The following ACTG2 variants were observed in gnomAD, a reference collection of about 807,000 sequenced individuals.
ACTG2 encodes actin gamma 2, smooth muscle, also known as actin, gamma-enteric smooth muscle.
In ACTG2, 16 loss-of-function variants were observed where a neutral mutation model predicts 37.6. That is an observed-to-expected ratio of 0.43 (90% CI 0.29 to 0.65). The LOEUF is 0.65. Ranked by LOEUF, ACTG2 falls within the 30% of genes least tolerant of loss-of-function variation. ACTG2 has a pLI of 0.18. For synonymous variants in ACTG2, 181 were observed against 179.9 expected, an observed-to-expected ratio of 1.01 and a Z score of -0.05; for missense variants, 238 against 490.9, an observed-to-expected ratio of 0.48 and a Z score of 4.87.
At chr2:73,902,938 C>T in intron 3 of ACTG2, 3 of 666,020 alleles carry the variant, frequency 4.5e-6, no homozygotes, top group Non-Finnish European at 4.9e-6. Flanking sequence ...CTTTAAAATG[C>T]TGGTGCTGGC....
At chr2:73,910,673 C>CTTTTG (rs1255406791) in intron 5 of ACTG2, among the ~76,000 whole-genome samples, 3 of 150,856 alleles carry the variant, frequency 2.0e-5, no homozygotes, top group Non-Finnish European at 4.4e-5. Context: ...TTATTTTTGT[C>CTTTTG]TTTATTTAGT....
At chr2:73,907,050 T>C (rs1173945375) in intron 3 of ACTG2, among the ~76,000 whole-genome samples, 1 of 152,218 alleles carries the variant, frequency 6.6e-6, no homozygotes, top group Admixed American at 6.5e-5. Flanking sequence ...TGCCATTCCC[T>C]CTGCCTCGGA....
chr2:73,895,900 A>G (rs552488720), intron 1 of ACTG2, among the ~76,000 whole-genome samples: 26 of 152,364 alleles, frequency 1.7e-4, no homozygotes, highest in African/African-American at 6.0e-4. Flanking sequence ...TACCATTGTA[A>G]CAAAAGCAGC....
chr2:73,904,248 C>CAAAA (rs61261289), intron 3 of ACTG2, among the ~76,000 whole-genome samples: 526 of 64,802 alleles, frequency 8.1e-3, no homozygotes, highest in African/African-American at 8.7e-3. Context: ...GACCATGTCT[C>CAAAA]AAAAAAAAAA....
At chr2:73,906,607 T>C (rs566020138) in intron 3 of ACTG2, among the ~76,000 whole-genome samples, 2 of 152,088 alleles carry the variant, frequency 1.3e-5, no homozygotes, top group South Asian at 4.2e-4. Context: ...CTGTCTCCGG[T>C]GTAGCTGGGA....
intron 1 of ACTG2, among the ~76,000 whole-genome samples, chr2:73,899,322 A>G (rs929731673): frequency 6.6e-6 from 1 of 152,106 alleles, no homozygotes; most frequent in Non-Finnish European, 1.5e-5. Flanking sequence ...TATATCAGCC[A>G]GCCATAGGGC....
intron 3 of ACTG2, among the ~76,000 whole-genome samples, chr2:73,903,380 C>T (rs1386860984): frequency 6.6e-6 from 1 of 152,152 alleles, no homozygotes; most frequent in Admixed American, 6.5e-5. Flanking sequence ...ATAAGTACTG[C>T]ACATAAAATG....
At chr2:73,900,436 G>C (rs1223061151) in intron 1 of ACTG2, among the ~76,000 whole-genome samples, 1 of 152,238 alleles carries the variant, frequency 6.6e-6, no homozygotes, top group African/African-American at 2.4e-5. Flanking sequence ...GAAAGAATGC[G>C]TGCAGCAGAT....
At chr2:73,901,715 A>G (rs1679888100) in intron 2 of ACTG2, 2 of 446,142 alleles carry the variant, frequency 4.5e-6, no homozygotes, top group Non-Finnish European at 7.5e-6. Context: ...ACCAACATAC[A>G]TCAGGCACAC....
chr2:73,901,532 A>ATGTGTGTGTGTG lies in ACTG2; in HGVS notation c.126+133_126+144dup, dbSNP rs58042852. On this transcript the variant is annotated intron_variant, in intron 2 of 8. Coordinates refer to ENST00000345517, the MANE Select transcript of ACTG2 (RefSeq NM_001615.4). ...CTGAGCTGGGGGTTAGGGGAAGGAA[A>ATGTGTGTGTGTG]TGTGTGTGTGTGTGTGTGTGTGTGT... 52 of 1,144,962 alleles carry ATGTGTGTGTGTG rather than the reference A, an allele frequency of 4.5e-5. No individual in the cohort carries two copies. The East Asian group carries it at 6.2e-4, about 14-fold the overall frequency. 70.9% of individuals were successfully genotyped at this position (1,144,962 alleles called of 1,614,324 possible). A position where few individuals can be genotyped will look rare whatever the true frequency, so the allele number is the denominator to read the frequency against.
rs202102047 is a variant in ACTG2 at position 73,896,437 on chromosome 2, A to G, written c.-37+3386A>G. Among the ~76,000 whole-genome samples the G allele has an allele frequency of 3.3e-5, 5 of 152,082 alleles. No individual in the cohort carries two copies. The East Asian group carries it at 9.7e-4, about 29-fold the overall frequency. On this transcript the variant is annotated intron_variant, in intron 1 of 8. Coordinates refer to ENST00000345517, the MANE Select transcript of ACTG2 (RefSeq NM_001615.4). ...TGCCTTACCCTGATTTACAATGTCT[A>G]CGGCACCTTCATTTCCGTTCTGTCA...
chr2:73,919,649 CCTTA>C lies in ACTG2; in HGVS notation c.*78_*81del. 1 of 1,524,432 alleles carries C rather than the reference CCTTA, an allele frequency of 6.6e-7. No individual in the cohort carries two copies. Among genetic ancestry groups the C allele is most frequent in the Non-Finnish European group, 8.9e-7 (1 of 1,124,362 alleles). The allele number at this position is 1,524,432 out of a possible 1,614,324, so 94.4% of individuals were successfully genotyped here. A position where few individuals can be genotyped will look rare whatever the true frequency, so the allele number is the denominator to read the frequency against. On this transcript the variant is annotated 3_prime_UTR_variant, in exon 9 of 9. Transcript: ENST00000345517. ...GTCATGAAACATTAAAACCTACAAGCCTTACTTCTCTGTGTGGGGCTCTTTTTTC... is the reference window on the plus strand; with the variant it reads ...GTCATGAAACATTAAAACCTACAAGCCTTCTCTGTGTGGGGCTCTTTTTTC...
At chr2:73,903,618 G>A (rs1175865401) in intron 3 of ACTG2, among the ~76,000 whole-genome samples, 2 of 152,198 alleles carry the variant, frequency 1.3e-5, no homozygotes, top group Admixed American at 1.3e-4. Context: ...TGACACATAT[G>A]ATTCATATAT....
intron 1 of ACTG2, among the ~76,000 whole-genome samples, chr2:73,898,911 T>C (rs1268816908): frequency 1.3e-5 from 2 of 148,920 alleles, no homozygotes; most frequent in Non-Finnish European, 3.0e-5. Flanking sequence ...CACGCCATTC[T>C]CCTGCCTCAG....
chr2:73,913,851 C>T (rs1431391122), intron 6 of ACTG2, among the ~76,000 whole-genome samples: 1 of 152,110 alleles, frequency 6.6e-6, no homozygotes, highest in Non-Finnish European at 1.5e-5. Context: ...GACCAGCTGC[C>T]TCTGTCCACG....
intron 2 of ACTG2, 49 bp from the exon 3 acceptor site, chr2:73,902,311 T>C: frequency 6.2e-7 from 1 of 1,602,112 alleles, no homozygotes; most frequent in Non-Finnish European, 8.5e-7. Flanking sequence ...AATCCCTCTG[T>C]GTGGAGCCCT....
intron 3 of ACTG2, among the ~76,000 whole-genome samples, chr2:73,904,777 G>GTATATATATATA (rs199782884): frequency 1.0e-3 from 43 of 42,618 alleles, no homozygotes; most frequent in African/African-American, 1.6e-3. Flanking sequence ...GTGTGTGTGT[G>GTATATATATATA]TATATATATA....
At chr2:73,907,680 G>T (rs575681358) in intron 3 of ACTG2, among the ~76,000 whole-genome samples, 1 of 152,026 alleles carries the variant, frequency 6.6e-6, no homozygotes, top group Non-Finnish European at 1.5e-5. Context: ...CAGGCCCACA[G>T]TGTGTTGCCC....
chr2:73,913,091 C>T (rs780832779), intron 5 of ACTG2, among the ~76,000 whole-genome samples: 5 of 145,566 alleles, frequency 3.4e-5, no homozygotes, highest in South Asian at 2.1e-4. Flanking sequence ...ATCACTTGAA[C>T]GTAGGAGACA....
Sources: allele counts gnomAD v4.1 joint callset (sites outside exome capture counted in the v4.1 genomes callset), GRCh38; gene constraint gnomAD v4.1.1; transcripts MANE v1.5; gene names NCBI Gene and HGNC (gene_info 2026-07-23, HGNC 2026-07-21).